Variants in VDAC3 observed in about 807,000 individuals in gnomAD.
The protein encoded by VDAC3 is non-selective voltage-gated ion channel VDAC3.
Under a neutral mutation model 33.9 loss-of-function variants are expected in VDAC3, and 7 were observed. The observed-to-expected ratio is 0.21, with a 90% CI of 0.12 to 0.39. VDAC3 has a LOEUF of 0.39. Among genes scored for constraint, VDAC3 ranks in the 10% least tolerant of loss-of-function variants. The probability of loss-of-function intolerance (pLI) is 1.00; values close to 1 mark genes in which losing one functional copy is unlikely to be tolerated. For synonymous variants in VDAC3, 100 were observed against 122.4 expected, an observed-to-expected ratio of 0.82 and a Z score of 1.21; for missense variants, 261 against 334.5, an observed-to-expected ratio of 0.78 and a Z score of 1.71.
At position 42,404,909 on chromosome 8, in the gene VDAC3, C is replaced by G. The variant is rs778424717; in HGVS notation, c.745C>G (p.Gln249Glu). Reference protein sequence around the residue: ...NASLIGLGYTQTLRPGVKLTL... With the variant: ...NASLIGLGYTETLRPGVKLTL... Reference sequence around the variant, plus strand: ...CAGCCTGATTGGACTGGGTTATACTCAGACCCTTCGACCAGGTAAGTAAAG... The same window carrying G: ...CAGCCTGATTGGACTGGGTTATACTGAGACCCTTCGACCAGGTAAGTAAAG... Residue 249 changes from glutamine to glutamate, a missense_variant, in exon 9 of 10, where the codon CAG becomes GAG. Coordinates refer to ENST00000022615, the MANE Select transcript of VDAC3 (RefSeq NM_005662.7). The G allele has an allele frequency of 4.3e-6, 7 of 1,613,626 alleles. No homozygotes were observed. In the Admixed American group the frequency reaches 1.0e-4, roughly 23 times the overall value.
intron 4 of VDAC3, among the ~76,000 whole-genome samples, chr8:42,397,952 T>C (rs1444412970): frequency 7.2e-6 from 1 of 138,334 alleles, no homozygotes; most frequent in African/African-American, 3.4e-5. Context: ...TTTACCACAA[T>C]AAAAAAAAAC....
chr8:42,400,145 G>A (rs1802390120), intron 6 of VDAC3, among the ~76,000 whole-genome samples: 2 of 151,998 alleles, frequency 1.3e-5, no homozygotes, highest in South Asian at 2.1e-4. Context: ...AAACCATCCT[G>A]GCTAACACGG....
chr8:42,404,725 A>T, intron 8 of VDAC3, 142 bp from the exon 9 acceptor site: 1 of 448,900 alleles, frequency 2.2e-6, no homozygotes, highest in East Asian at 5.3e-5. Flanking sequence ...TTCATCTCAA[A>T]AAAAAAAAAA....
At position 42,401,925 on chromosome 8, in the gene VDAC3, A is replaced by C; in HGVS notation, c.461A>C (p.Gln154Pro). ...LAFEGWLAGY[Q>P]MSFDTAKSKL... Reference sequence around the variant, plus strand: ...TTCGAAGGGTGGCTTGCTGGCTATCAGATGAGTTTTGACACAGCCAAATCC... The same window carrying C: ...TTCGAAGGGTGGCTTGCTGGCTATCCGATGAGTTTTGACACAGCCAAATCC... Residue 154 changes from glutamine to proline, a missense_variant, in exon 7 of 10, where the codon CAG becomes CCG. Gln to Pro is a moderately conservative substitution (Grantham distance 76). Coordinates refer to ENST00000022615, the MANE Select transcript of VDAC3 (RefSeq NM_005662.7). 6.2e-7 allele frequency: 1 copy of C among 1,614,274 alleles called. No individual in the cohort carries two copies. Among genetic ancestry groups the C allele is most frequent in the Non-Finnish European group, 8.5e-7 (1 of 1,180,056 alleles).
Position 42,405,777 on chromosome 8 carries a change from G to A in VDAC3, c.*315G>A, listed in dbSNP as rs769381432. ...TCTGACCCACCAGTTTGTACATCAC[G>A]TCCTGCATGTCCCACACCATTTTTT... On this transcript the variant is annotated 3_prime_UTR_variant, in exon 10 of 10. Transcript: ENST00000022615. The A allele has an allele frequency of 3.3e-5, 8 of 238,820 alleles. No homozygotes were observed. The highest frequency in any genetic ancestry group is 2.1e-4 in the South Asian group (3 of 13,970). The allele number at this position is 238,820 out of a possible 1,614,324, so 14.8% of individuals were successfully genotyped here.
intron 7 of VDAC3, 61 bp downstream of exon 7, chr8:42,402,076 A>G (rs1021277223): frequency 2.6e-6 from 4 of 1,510,848 alleles, no homozygotes; most frequent in Non-Finnish European, 9.1e-7. Context: ...TGTAGCCATT[A>G]GCATGCTGAG....
At chr8:42,403,497 G>A (rs770424141) in intron 8 of VDAC3, 36 bp downstream of exon 8, 2 of 1,518,326 alleles carry the variant, frequency 1.3e-6, no homozygotes, top group African/African-American at 2.8e-5. Context: ...CTGCTCTTAT[G>A]TTTGTGTCTA....
chr8:42,401,236 C>T (rs11985121), intron 6 of VDAC3, among the ~76,000 whole-genome samples: 3,554 of 152,018 alleles, frequency 0.023, 89 homozygotes, highest in South Asian at 0.092. Flanking sequence ...CTCGCTCTGT[C>T]GCCAGGCTGG....
chr8:42,402,084 G>T, intron 7 of VDAC3, 69 bp downstream of exon 7: 7 of 1,454,030 alleles, frequency 4.8e-6, no homozygotes, highest in Non-Finnish European at 6.7e-6. Flanking sequence ...TTAGCATGCT[G>T]AGAAGTGATG....
chr8:42,395,230 C>T, intron 4 of VDAC3, 97 bp downstream of exon 4: 2 of 1,534,428 alleles, frequency 1.3e-6, no homozygotes, highest in Non-Finnish European at 1.8e-6. Context: ...CAGCACCATG[C>T]TGTCTTCCCC....
In VDAC3 at chr8:42,398,847, A is replaced by G; in HGVS notation, c.253A>G (p.Ile85Val). ...CACAGACAATACTCTAGGGACAGAA[A>G]TCTCTTGGGAGAATAAGGTAAGAGA... ...WNTDNTLGTE[I>V]SWENKLAEGL... Residue 85 changes from isoleucine (I) to valine (V), a missense_variant, in exon 5 of 10, where the codon ATC (isoleucine) becomes GTC (valine). Transcript: ENST00000022615. 6.2e-7 allele frequency: 1 copy of G among 1,613,860 alleles called. No individual in the cohort carries two copies. The highest frequency in any genetic ancestry group is 8.5e-7 in the Non-Finnish European group (1 of 1,179,938).
At chr8:42,401,706 G>A (rs547627991) in intron 6 of VDAC3, 82 bp from the exon 7 acceptor site, 1 of 1,244,338 alleles carries the variant, frequency 8.0e-7, no homozygotes, top group African/African-American at 1.5e-5. Flanking sequence ...TGAGAGAGAG[G>A]ATCTTACTCT....
At chr8:42,401,648 T>G in intron 6 of VDAC3, 140 bp from the exon 7 acceptor site, 1 of 734,540 alleles carries the variant, frequency 1.4e-6, no homozygotes, top group Non-Finnish European at 2.3e-6. Flanking sequence ...TTTGAAATGT[T>G]TTTACTATAT....
chr8:42,395,129 G>C lies in VDAC3; in HGVS notation c.113G>C (p.Gly38Ala), dbSNP rs902385263. 3 of 1,613,764 alleles carry C rather than the reference G, an allele frequency of 1.9e-6. No individual in the cohort carries two copies. Among genetic ancestry groups the C allele is most frequent in the Non-Finnish European group, 2.5e-6 (3 of 1,179,954 alleles). The part of the protein sequence containing the change: ...KIDLKTKSCS[G>A]VEFSTSGHAY... ...GACCTGAAAACCAAGTCTTGTAGTG[G>C]AGTGGTGAGTATCTAATATATTTTT... Residue 38 changes from glycine to alanine, a missense_variant, in exon 4 of 10, where the codon GGA (glycine) becomes GCA (alanine). Transcript: ENST00000022615.
At chr8:42,399,178 A>G (rs1458904971) in intron 5 of VDAC3, among the ~76,000 whole-genome samples, 2 of 152,070 alleles carry the variant, frequency 1.3e-5, no homozygotes, top group Admixed American at 6.6e-5. Flanking sequence ...TGACAGAAAA[A>G]TTTTTCTAAA....
chr8:42,398,820 AAC>A lies in VDAC3; in HGVS notation c.230_231del (p.Thr77ArgfsTer13). ...TGGACTTACCTTCACCCAGAAATGG[AAC>A]ACAGACAATACTCTAGGGACAGAAA... Reference protein sequence around the residue: ...NYGLTFTQKWNTDNTLGTEIS... With the variant: ...NYGLTFTQKWXTDNTLGTEIS... On this transcript the variant is annotated frameshift_variant, in exon 5 of 10. Coordinates refer to ENST00000022615, the MANE Select transcript of VDAC3 (RefSeq NM_005662.7). LOFTEE classifies it high-confidence loss of function. 1 of 1,614,062 alleles carries A rather than the reference AAC, an allele frequency of 6.2e-7. No individual in the cohort carries two copies. The highest frequency in any genetic ancestry group is 8.5e-7 in the Non-Finnish European group (1 of 1,180,002).
Position 42,403,420 on chromosome 8 carries a change from A to C in VDAC3, c.661A>C (p.Ile221Leu), listed in dbSNP as rs1380394476. The change falls in exon 8 of 10, where the codon ATT (isoleucine) becomes CTT (leucine). Residue 221 changes from isoleucine to leucine, a missense_variant. Coordinates refer to ENST00000022615, the MANE Select transcript of VDAC3 (RefSeq NM_005662.7). ...TAGSNNTRFGIAAKYMLDCRT... is the reference protein window; with the variant it reads ...TAGSNNTRFGLAAKYMLDCRT... The stretch of plus-strand genomic sequence containing the variant: ...TGGGAGTAACAACACCCGTTTTGGC[A>C]TTGCTGCTAAGTACATGCTGGATTG... The C allele has an allele frequency of 6.2e-7, 1 of 1,609,606 alleles. No homozygotes were observed. The highest frequency in any genetic ancestry group is 2.2e-5 in the East Asian group (1 of 44,816).
chr8:42,397,190 AGATAGTTG>A (rs1328346823), intron 4 of VDAC3: 2 of 153,020 alleles, frequency 1.3e-5, no homozygotes, highest in Non-Finnish European at 2.9e-5. Flanking sequence ...ATAAAACACT[AGATAGTTG>A]GATCTACTAA....
At chr8:42,404,742 ATC>A in intron 8 of VDAC3, 123 bp from the exon 9 acceptor site, 7 of 637,592 alleles carry the variant, frequency 1.1e-5, no homozygotes, top group South Asian at 2.9e-5. Context: ...AAAAAAAAAA[ATC>A]AGTAATTCTA....
Sources: gnomAD v4.1 joint callset for allele counts (sites outside exome capture counted in the v4.1 genomes callset) on GRCh38, gnomAD v4.1.1 for gene constraint, MANE v1.5 for transcripts, NCBI Gene and HGNC (gene_info 2026-07-23, HGNC 2026-07-21) for gene names.